Variants in DPY19L3 observed in about 807,000 individuals in gnomAD.
DPY19L3 encodes dpy-19 like C-mannosyltransferase 3.
Under a neutral mutation model 92.3 loss-of-function variants are expected in DPY19L3, and 51 were observed. That is an observed-to-expected ratio of 0.55 (90% CI 0.44 to 0.70). The LOEUF is 0.70. DPY19L3 is among the 30% of genes least tolerant of loss of function. DPY19L3 has a pLI of 0.00. For synonymous variants in DPY19L3, 309 were observed against 315.2 expected (o/e 0.98, Z 0.21); for missense variants, 706 against 855.9 (o/e 0.82, Z 2.18).
In DPY19L3 at chr19:32,463,819, G is replaced by T. The variant is rs1544511; in HGVS notation, c.1446-50G>T. 2.7e-6 allele frequency: 4 copies of T among 1,488,170 alleles called. No homozygotes were observed. The African/African-American group carries it at 5.5e-5, about 21-fold the overall frequency. 92.2% of individuals were successfully genotyped at this position (1,488,170 alleles called of 1,614,324 possible). A position where few individuals can be genotyped will look rare whatever the true frequency, so the allele number is the denominator to read the frequency against. ...CCTTTATAGGTGTCTCAGAATCCAG[G>T]TTTATATACAACTAGTACTTCTGAC... On this transcript the variant is annotated intron_variant, in intron 13 of 18. Coordinates refer to ENST00000392250, the MANE Select transcript of DPY19L3 (RefSeq NM_001172774.2).
intron 8 of DPY19L3, among the ~76,000 whole-genome samples, chr19:32,441,494 CT>C (rs11326098): frequency 0.62 from 80,947 of 129,758 alleles, 23,664 homozygotes; most frequent in African/African-American, 0.79. Context: ...ACATGTGTCT[CT>C]TTTTTTTTTT....
intron 8 of DPY19L3, among the ~76,000 whole-genome samples, chr19:32,440,634 T>C (rs983927493): frequency 6.6e-6 from 1 of 152,068 alleles, no homozygotes; most frequent in Non-Finnish European, 1.5e-5. Flanking sequence ...TTAAGAAACA[T>C]AAAAGTCTAC....
intron 2 of DPY19L3, 122 bp downstream of exon 2, chr19:32,408,478 G>C: frequency 1.5e-6 from 1 of 649,090 alleles, no homozygotes; most frequent in East Asian, 2.7e-5. Context: ...GTAGTACCCT[G>C]ATATTCTAAT....
Position 32,481,058 on chromosome 19 carries a change from A to G in DPY19L3, c.1989+501A>G, listed in dbSNP as rs1599685587. Reference sequence around the variant, plus strand: ...TTCCACAGGCCGGCTTTCAGAGGCTAAGTTGCACTCCAGAGCAGAAAAGCA... The same window carrying G: ...TTCCACAGGCCGGCTTTCAGAGGCTGAGTTGCACTCCAGAGCAGAAAAGCA... On this transcript the variant is annotated intron_variant, in intron 18 of 18. Coordinates refer to ENST00000392250, the MANE Select transcript of DPY19L3 (RefSeq NM_001172774.2). The G allele has an allele frequency of 6.8e-5, 22 of 325,316 alleles. No individual in the cohort carries two copies. The East Asian group carries it at 1.0e-3, about 15-fold the overall frequency. The allele number at this position is 325,316 out of a possible 1,614,324, so 20.2% of individuals were successfully genotyped here. A position where few individuals can be genotyped will look rare whatever the true frequency, so the allele number is the denominator to read the frequency against.
chr19:32,435,335 A>G (rs1969103842), intron 4 of DPY19L3, among the ~76,000 whole-genome samples: 1 of 152,324 alleles, frequency 6.6e-6, no homozygotes, highest in East Asian at 1.9e-4. Flanking sequence ...TGTGGGGGAC[A>G]CATTTCAGTC....
At position 32,406,847 on chromosome 19, in the gene DPY19L3, C is replaced by T. The variant is rs73565355; in HGVS notation, c.-38+938C>T. Among the ~76,000 whole-genome samples the T allele has an allele frequency of 3.1e-3, 478 of 152,168 alleles. 1 individual carries two copies. The highest frequency in any genetic ancestry group is 0.011 in the African/African-American group (454 of 41,518). The stretch of plus-strand genomic sequence containing the variant: ...GAATATATGAATTGTTTAAAAAAGT[C>T]CTCTCACACTTAGGGAGGACTCTAG... On this transcript the variant is annotated intron_variant, in intron 1 of 18. Transcript: ENST00000392250.
intron 8 of DPY19L3, among the ~76,000 whole-genome samples, chr19:32,446,227 A>G (rs1969494806): frequency 6.6e-6 from 1 of 152,162 alleles, no homozygotes; most frequent in Non-Finnish European, 1.5e-5. Flanking sequence ...ACTTTAAAAA[A>G]CTATACGAAG....
chr19:32,437,392 A>C (rs1969178416), intron 6 of DPY19L3, 53 bp downstream of exon 6: 1 of 1,565,968 alleles, frequency 6.4e-7, no homozygotes. Context: ...GTAAAAATGA[A>C]GTCACTTCAT....
Position 32,481,788 on chromosome 19 carries a change from G to A in DPY19L3, c.1990-291G>A, listed in dbSNP as rs1182635284. ...AGTTCTCTGTATTTCATTTCTATGA[G>A]AGAGACAGTATAGTATGTTCCTGAG... On this transcript the variant is annotated intron_variant, in intron 18 of 18. Transcript: ENST00000392250. The A allele has an allele frequency of 3.3e-5, 9 of 270,698 alleles. No individual in the cohort carries two copies. In the East Asian group the frequency reaches 5.1e-4, roughly 15 times the overall value. 16.8% of individuals were successfully genotyped at this position (270,698 alleles called of 1,614,324 possible).
chr19:32,436,073 G>C (rs1297908881), intron 4 of DPY19L3, among the ~76,000 whole-genome samples: 1 of 152,228 alleles, frequency 6.6e-6, no homozygotes, highest in Non-Finnish European at 1.5e-5. Flanking sequence ...AGCCGTTCTG[G>C]GGAGTGGAGA....
At chr19:32,416,121 GAGA>G (rs1161237899) in intron 3 of DPY19L3, among the ~76,000 whole-genome samples, 1 of 152,182 alleles carries the variant, frequency 6.6e-6, no homozygotes, top group Non-Finnish European at 1.5e-5. Flanking sequence ...TAGAAGAGAG[GAGA>G]AGAACAGATC....
At chr19:32,447,775 A>AGATAGATTGATT (rs1237623603) in intron 8 of DPY19L3, among the ~76,000 whole-genome samples, 27 of 126,938 alleles carry the variant, frequency 2.1e-4, no homozygotes, top group African/African-American at 7.8e-4. Context: ...ATAGATAGAT[A>AGATAGATTGATT]GATTAGATAA....
chr19:32,405,950 C>G (rs1489051600), intron 1 of DPY19L3, 41 bp downstream of exon 1: 1 of 151,460 alleles, frequency 6.6e-6, no homozygotes, highest in Non-Finnish European at 1.5e-5. Context: ...GAGGGTCTAC[C>G]GAGAGGGCGG....
intron 8 of DPY19L3, among the ~76,000 whole-genome samples, chr19:32,447,720 CATAGATAGATAGATAGATAGATAGATAG>C (rs56116714): frequency 5.6e-4 from 74 of 131,728 alleles, no homozygotes; most frequent in Middle Eastern, 7.4e-3. Context: ...CCGTCTCATT[CATAGATAGATAGATAGATAGATAGATAG>C]ATAGATAGAT....
intron 3 of DPY19L3, among the ~76,000 whole-genome samples, chr19:32,430,642 G>A (rs113135832): frequency 8.6e-4 from 130 of 151,788 alleles, no homozygotes; most frequent in African/African-American, 2.8e-3. Context: ...ATTTTTTGAG[G>A]CAGGGTCTCG....
Position 32,482,255 on chromosome 19 carries a change from C to T in DPY19L3, c.*15C>T. 6.2e-7 allele frequency: 1 copy of T among 1,602,934 alleles called. No individual in the cohort carries two copies. Among genetic ancestry groups the T allele is most frequent in the Non-Finnish European group, 8.5e-7 (1 of 1,176,412 alleles). The stretch of plus-strand genomic sequence containing the variant: ...GAAACAAGTAGCGCAGATTTCTGCC[C>T]AGTGTCTATTTTTGATACGGAGAAA... On this transcript the variant is annotated 3_prime_UTR_variant, in exon 19 of 19. Coordinates refer to ENST00000392250, the MANE Select transcript of DPY19L3 (RefSeq NM_001172774.2).
intron 8 of DPY19L3, among the ~76,000 whole-genome samples, chr19:32,450,203 C>T (rs959724337): frequency 6.6e-6 from 1 of 152,158 alleles, no homozygotes; most frequent in Non-Finnish European, 1.5e-5. Context: ...TTTACACCCA[C>T]TTGGATGGCT....
intron 8 of DPY19L3, among the ~76,000 whole-genome samples, chr19:32,447,578 G>A (rs1018574285): frequency 2.6e-5 from 4 of 151,938 alleles, no homozygotes; most frequent in South Asian, 2.1e-4. Context: ...TTAGCTGACC[G>A]TGGTGGTGGG....
intron 12 of DPY19L3, among the ~76,000 whole-genome samples, chr19:32,460,612 GTGAT>G (rs1424763526): frequency 6.6e-6 from 1 of 152,092 alleles, no homozygotes; most frequent in Non-Finnish European, 1.5e-5. Context: ...AAAAAACAAA[GTGAT>G]TGTGCTATGA....
Sources: allele counts gnomAD v4.1 joint callset (sites outside exome capture counted in the v4.1 genomes callset), GRCh38; gene constraint gnomAD v4.1.1; transcripts MANE v1.5; gene names NCBI Gene and HGNC (gene_info 2026-07-23, HGNC 2026-07-21).